Variants in LRPPRC observed in about 807,000 individuals in gnomAD.
The protein encoded by LRPPRC is leucine rich pentatricopeptide repeat containing.
LRPPRC carries 120 observed loss-of-function variants against 180.3 expected under a neutral mutation model. The observed-to-expected ratio is 0.67, with a 90% CI of 0.57 to 0.77. The LOEUF is 0.77. Among genes scored for constraint, LRPPRC ranks in the 30% least tolerant of loss-of-function variants. The probability of loss-of-function intolerance (pLI) is 0.00; values close to 1 mark genes in which losing one functional copy is unlikely to be tolerated. For synonymous variants in LRPPRC, 723 were observed against 600.0 expected (o/e 1.21, Z -3.00); for missense variants, 2,012 against 1,657.2 (o/e 1.21, Z -3.72).
intron 1 of LRPPRC, among the ~76,000 whole-genome samples, chr2:43,984,341 A>G (rs1298264276): frequency 2.0e-5 from 3 of 152,204 alleles, no homozygotes; most frequent in Admixed American, 1.3e-4. Context: ...AAAGAGCAAA[A>G]ATAAAACTTC....
At chr2:43,900,575 A>AAGTGG (rs1670847312) in intron 32 of LRPPRC, among the ~76,000 whole-genome samples, 1 of 152,138 alleles carries the variant, frequency 6.6e-6, no homozygotes, top group East Asian at 1.9e-4. Flanking sequence ...TATTAAAGGG[A>AAGTGG]AGTTCTATCT....
intron 20 of LRPPRC, 57 bp downstream of exon 20, chr2:43,947,200 T>G: frequency 1.3e-6 from 1 of 782,658 alleles, no homozygotes; most frequent in Non-Finnish European, 2.1e-6. Flanking sequence ...TGGTTTTTCT[T>G]ATTGTTACCA....
chr2:43,906,962 C>T (rs1390160383), intron 30 of LRPPRC, among the ~76,000 whole-genome samples: 1 of 152,182 alleles, frequency 6.6e-6, no homozygotes, highest in Non-Finnish European at 1.5e-5. Context: ...ACAACTCATG[C>T]ATGAGACTAA....
At chr2:43,919,698 T>A (rs1671627520) in intron 27 of LRPPRC, among the ~76,000 whole-genome samples, 1 of 152,146 alleles carries the variant, frequency 6.6e-6, no homozygotes, top group South Asian at 2.1e-4. Flanking sequence ...TATAATAAAT[T>A]AGTTTCTGCT....
At chr2:43,901,244 G>C (rs1006723479) in intron 32 of LRPPRC, 76 bp downstream of exon 32, 1 of 1,187,390 alleles carries the variant, frequency 8.4e-7, no homozygotes, top group African/African-American at 1.5e-5. Context: ...GTCTAAAAAA[G>C]TTTTTAAAAG....
chr2:43,956,029 G>A (rs536872126), intron 14 of LRPPRC, among the ~76,000 whole-genome samples: 1 of 150,242 alleles, frequency 6.7e-6, no homozygotes, highest in East Asian at 2.0e-4. Context: ...CATCACCCAT[G>A]AAGTACTATT....
At chr2:43,940,911 T>C (rs1004627856) in intron 23 of LRPPRC, among the ~76,000 whole-genome samples, 12 of 152,198 alleles carry the variant, frequency 7.9e-5, no homozygotes, top group African/African-American at 2.7e-4. Flanking sequence ...AAGAAAATGT[T>C]TGAAATAATA....
intron 23 of LRPPRC, among the ~76,000 whole-genome samples, chr2:43,935,496 G>T (rs1672244100): frequency 6.6e-6 from 1 of 152,116 alleles, no homozygotes; most frequent in African/African-American, 2.4e-5. Context: ...AATTCTAGAA[G>T]AATTCTAAAT....
intron 23 of LRPPRC, among the ~76,000 whole-genome samples, chr2:43,942,051 G>A (rs140180743): frequency 6.6e-6 from 1 of 152,012 alleles, no homozygotes; most frequent in African/African-American, 2.4e-5. Flanking sequence ...GATGCTCTAG[G>A]TTAACATTTG....
chr2:43,897,403 A>C (rs1240321033), intron 34 of LRPPRC, among the ~76,000 whole-genome samples: 2 of 152,202 alleles, frequency 1.3e-5, no homozygotes, highest in African/African-American at 4.8e-5. Flanking sequence ...TCATTCTTTT[A>C]AGTTTCTAAA....
Position 43,918,055 on chromosome 2 carries a change from A to G in LRPPRC, c.3118T>C (p.Leu1040=), listed in dbSNP as rs1388578801. Residue 1040 remains leucine (L), a synonymous_variant, in exon 29 of 38, where the codon TTG becomes CTG. Coordinates refer to ENST00000260665, the MANE Select transcript of LRPPRC (RefSeq NM_133259.4). ...TTEPDFQKDI[L]IACRLNQKKG... is the part of the protein sequence containing the mutation. ...TTTTGGTTCAATCGGCAGGCAATCA[A>G]TATATCTTTCTGGAAATCAGGTTCT... is the stretch of plus-strand genomic sequence containing the variant. 9.3e-6 allele frequency: 15 copies of G among 1,612,686 alleles called. No individual in the cohort carries two copies. The highest frequency in any genetic ancestry group is 1.3e-5 in the Non-Finnish European group (15 of 1,179,550).
intron 36 of LRPPRC, among the ~76,000 whole-genome samples, chr2:43,892,996 A>G (rs1433345269): frequency 6.6e-6 from 1 of 152,146 alleles, no homozygotes; most frequent in Non-Finnish European, 1.5e-5. Flanking sequence ...GCTGATTTCA[A>G]CCCTCATGGA....
chr2:43,923,014 A>C (rs1671751536), intron 27 of LRPPRC, among the ~76,000 whole-genome samples: 1 of 152,124 alleles, frequency 6.6e-6, no homozygotes, highest in South Asian at 2.1e-4. Flanking sequence ...CAACCTCCTC[A>C]AACTATTGAC....
upstream of LRPPRC, chr2:43,996,092 T>C (rs917901558): frequency 2.9e-6 from 2 of 695,588 alleles, no homozygotes; most frequent in African/African-American, 1.9e-5. Context: ...GGTTGGAAGA[T>C]GGAAAACCGC....
chr2:43,956,561 C>T (rs570980105), intron 14 of LRPPRC, among the ~76,000 whole-genome samples: 33 of 146,520 alleles, frequency 2.3e-4, no homozygotes, highest in Non-Finnish European at 3.0e-4. Context: ...AAAGTAGACA[C>T]GGCAAAATAT....
At chr2:43,930,139 A>C (rs1672033368) in intron 25 of LRPPRC, among the ~76,000 whole-genome samples, 1 of 152,160 alleles carries the variant, frequency 6.6e-6, no homozygotes, top group Non-Finnish European at 1.5e-5. Context: ...TTTGGTCTTA[A>C]ATCAAAAGCC....
chr2:43,973,940 C>T (rs745874048), intron 9 of LRPPRC, 40 bp from the exon 10 acceptor site: 3 of 1,271,762 alleles, frequency 2.4e-6, no homozygotes, highest in Non-Finnish European at 3.5e-6. Context: ...GATTGGCAAA[C>T]ACCCCACCGT....
intron 32 of LRPPRC, among the ~76,000 whole-genome samples, chr2:43,900,428 T>A (rs1387749088): frequency 1.3e-5 from 2 of 152,178 alleles, no homozygotes; most frequent in African/African-American, 2.4e-5. Context: ...CTCTTACAAG[T>A]TTTAAGGAAT....
At chr2:43,986,571 G>A (rs1046378955) in intron 1 of LRPPRC, among the ~76,000 whole-genome samples, 2 of 152,202 alleles carry the variant, frequency 1.3e-5, no homozygotes, top group African/African-American at 4.8e-5. Context: ...AATAGCTAAT[G>A]TTTATCAGGT....
Sources: gnomAD v4.1 joint callset for allele counts (sites outside exome capture counted in the v4.1 genomes callset) on GRCh38, gnomAD v4.1.1 for gene constraint, MANE v1.5 for transcripts, NCBI Gene and HGNC (gene_info 2026-07-23, HGNC 2026-07-21) for gene names.